Variants in AKAP19 observed in about 807,000 individuals in gnomAD.
AKAP19 encodes the protein A-kinase anchoring protein 19.
chr2:190,033,367 AAAAC>A, the AKAP19 span, among the ~76,000 whole-genome samples: 1 of 152,222 alleles, frequency 6.6e-6, no homozygotes, highest in African/African-American at 2.4e-5. Flanking sequence ...AAGTCTGAAA[AAAAC>A]AAATCTTAAA....
chr2:190,201,836 C>T, the AKAP19 span: 1 of 167,050 alleles, frequency 6.0e-6, no homozygotes, highest in East Asian at 1.9e-4. Flanking sequence ...GAAAGTTTCC[C>T]ATAAGTATAA....
chr2:189,890,239 G>T, the AKAP19 span, among the ~76,000 whole-genome samples: 1 of 152,196 alleles, frequency 6.6e-6, no homozygotes, highest in South Asian at 2.1e-4. Context: ...GGTTTCAAGT[G>T]AGTTTCTTAA....
the AKAP19 span, among the ~76,000 whole-genome samples, chr2:190,000,276 G>A: frequency 4.1e-3 from 621 of 152,292 alleles, 6 homozygotes; most frequent in African/African-American, 0.014. Context: ...AGTAAACCAC[G>A]TAGGGGTAAA....
the AKAP19 span, among the ~76,000 whole-genome samples, chr2:190,193,680 T>C: frequency 2.6e-5 from 4 of 152,188 alleles, no homozygotes; most frequent in Admixed American, 6.5e-5. Flanking sequence ...ATAGATGTCA[T>C]AATGCCCATT....
At chr2:189,915,880 A>G in the AKAP19 span, among the ~76,000 whole-genome samples, 6 of 152,270 alleles carry the variant, frequency 3.9e-5, no homozygotes, top group South Asian at 1.2e-3. Flanking sequence ...AATGAAAAAT[A>G]TATTTTTTGC....
the AKAP19 span, among the ~76,000 whole-genome samples, chr2:190,080,176 G>C: frequency 6.6e-6 from 1 of 152,140 alleles, no homozygotes. Context: ...TTTTTGTCTA[G>C]AAGGATGTAG....
At chr2:190,096,240 T>C in the AKAP19 span, among the ~76,000 whole-genome samples, 2 of 152,144 alleles carry the variant, frequency 1.3e-5, no homozygotes, top group African/African-American at 2.4e-5. Context: ...TGGCCCAACC[T>C]AACAAGAGAA....
At chr2:190,168,149 T>G in the AKAP19 span, among the ~76,000 whole-genome samples, 1 of 152,232 alleles carries the variant, frequency 6.6e-6, no homozygotes, top group Non-Finnish European at 1.5e-5. Context: ...TTAACGTCTT[T>G]GCACCCATGG....
the AKAP19 span, among the ~76,000 whole-genome samples, chr2:190,178,816 G>T: frequency 6.6e-6 from 1 of 152,164 alleles, no homozygotes; most frequent in Non-Finnish European, 1.5e-5. The surrounding 1 kb of genome is among the most constrained non-coding windows in gnomAD (Gnocchi z 6.3). Context: ...TTCTGACCTG[G>T]TAACTGGGAA....
chr2:189,976,691 C>G, the AKAP19 span, among the ~76,000 whole-genome samples: 4 of 152,242 alleles, frequency 2.6e-5, no homozygotes, highest in African/African-American at 9.6e-5. Context: ...CGCCCCTCCC[C>G]CAGCCTCGCT....
the AKAP19 span, among the ~76,000 whole-genome samples, chr2:189,908,164 T>A: frequency 4.4e-3 from 665 of 151,492 alleles, 8 homozygotes; most frequent in African/African-American, 0.015. Context: ...TTCAGATCTT[T>A]CTATTTTCTT....
At chr2:189,933,018 A>G in the AKAP19 span, among the ~76,000 whole-genome samples, 2 of 152,170 alleles carry the variant, frequency 1.3e-5, no homozygotes, top group African/African-American at 4.8e-5. Context: ...CATGCCCATC[A>G]CTGAGAACAT....
the AKAP19 span, among the ~76,000 whole-genome samples, chr2:189,900,382 T>C: frequency 6.6e-6 from 1 of 152,162 alleles, no homozygotes; most frequent in Non-Finnish European, 1.5e-5. Context: ...TATTATCACA[T>C]GTATTCCCCC....
At chr2:190,128,869 A>T in the AKAP19 span, among the ~76,000 whole-genome samples, 3 of 152,220 alleles carry the variant, frequency 2.0e-5, no homozygotes, top group African/African-American at 7.2e-5. Context: ...TATCCCCCTT[A>T]AGGGGATGCC....
At chr2:190,029,337 G>A in the AKAP19 span, among the ~76,000 whole-genome samples, 10 of 151,920 alleles carry the variant, frequency 6.6e-5, no homozygotes, top group Non-Finnish European at 1.5e-4. Flanking sequence ...CAGGCATGAG[G>A]CACCGCGCCC....
At chr2:190,101,908 C>G in the AKAP19 span, among the ~76,000 whole-genome samples, 1 of 152,124 alleles carries the variant, frequency 6.6e-6, no homozygotes, top group East Asian at 1.9e-4. Context: ...TTCTTCTCAT[C>G]TATACATGAA....
chr2:190,124,108 A>G, the AKAP19 span, among the ~76,000 whole-genome samples: 1 of 152,210 alleles, frequency 6.6e-6, no homozygotes, highest in Non-Finnish European at 1.5e-5. Context: ...ACTATGAGCC[A>G]TGCTACTGGC....
the AKAP19 span, among the ~76,000 whole-genome samples, chr2:189,957,647 A>G: frequency 1.3e-5 from 2 of 152,224 alleles, no homozygotes; most frequent in Non-Finnish European, 2.9e-5. Flanking sequence ...CCCAATTTCT[A>G]TGATATAGCT....
chr2:190,036,806 A>G, the AKAP19 span, among the ~76,000 whole-genome samples: 1 of 152,342 alleles, frequency 6.6e-6, no homozygotes, highest in East Asian at 1.9e-4. Context: ...TCCCTTAAGC[A>G]TAACAGATTA....
Sources: allele counts gnomAD v4.1 joint callset (sites outside exome capture counted in the v4.1 genomes callset), GRCh38; gene constraint gnomAD v4.1.1; non-coding constraint Gnocchi (gnomAD v3.1); transcripts MANE v1.5; gene names NCBI Gene and HGNC (gene_info 2026-07-23, HGNC 2026-07-21).